Variants in PCDH15 observed in about 807,000 individuals in gnomAD.
The protein encoded by PCDH15 is protocadherin related 15, also known as protocadherin-15.
A neutral mutation model predicts 178.5 loss-of-function variants in PCDH15; 129 were observed. The observed-to-expected ratio is 0.72, with a 90% CI of 0.63 to 0.84. PCDH15 has a LOEUF of 0.84. Among genes scored for constraint, PCDH15 ranks in the 40% least tolerant of loss-of-function variants. The pLI is 0.00. For missense variants in PCDH15, 2,230 were observed against 2,099.9 expected, an observed-to-expected ratio of 1.06 and a Z score of -1.21; for synonymous variants, 800 against 732.0, an observed-to-expected ratio of 1.09 and a Z score of -1.50.
intron 2 of PCDH15, among the ~76,000 whole-genome samples, chr10:54,941,014 T>C (rs1838049741): frequency 6.6e-6 from 1 of 152,096 alleles, no homozygotes; most frequent in African/African-American, 2.4e-5. Context: ...ACTTTTGATG[T>C]CATTGTTTAT....
intron 3 of PCDH15, among the ~76,000 whole-genome samples, chr10:54,514,639 C>A (rs1315680057): frequency 7.1e-6 from 1 of 141,348 alleles, no homozygotes; most frequent in Non-Finnish European, 1.5e-5. Flanking sequence ...GAAATAATTG[C>A]TTTTCTCCTG....
chr10:53,824,959 T>C (rs975919690), intron 32 of PCDH15, among the ~76,000 whole-genome samples: 5 of 152,094 alleles, frequency 3.3e-5, no homozygotes, highest in Non-Finnish European at 7.4e-5. Context: ...ACACATGTTT[T>C]AAGCTCATGC....
chr10:54,107,317 C>T (rs2094933299), intron 15 of PCDH15, among the ~76,000 whole-genome samples: 1 of 152,190 alleles, frequency 6.6e-6, no homozygotes, highest in African/African-American at 2.4e-5. Flanking sequence ...TGCTTCCTGA[C>T]TTCTTCCTTC....
intron 2 of PCDH15, among the ~76,000 whole-genome samples, chr10:55,398,981 C>T (rs1228927246): frequency 6.6e-6 from 1 of 152,028 alleles, no homozygotes; most frequent in Non-Finnish European, 1.5e-5. Context: ...TGTAGAATAA[C>T]TATTATATTC....
chr10:54,099,309 G>A (rs946743259), intron 15 of PCDH15, among the ~76,000 whole-genome samples: 2 of 151,574 alleles, frequency 1.3e-5, no homozygotes, highest in African/African-American at 4.9e-5. Flanking sequence ...GACCATCCTG[G>A]CTAACATGGT....
chr10:55,508,078 A>C (rs1445310916), intron 2 of PCDH15, among the ~76,000 whole-genome samples: 1 of 151,632 alleles, frequency 6.6e-6, no homozygotes, highest in Non-Finnish European at 1.5e-5. Flanking sequence ...TTAGGATTTT[A>C]TTTTTTGAAA....
intron 2 of PCDH15, among the ~76,000 whole-genome samples, chr10:55,090,686 A>G (rs767916111): frequency 8.5e-5 from 13 of 152,068 alleles, no homozygotes; most frequent in Non-Finnish European, 1.5e-4. Context: ...ACATATATCA[A>G]CAAACACGCA....
At chr10:55,104,390 G>T (rs189509495) in intron 2 of PCDH15, among the ~76,000 whole-genome samples, 103 of 152,118 alleles carry the variant, frequency 6.8e-4, no homozygotes, top group African/African-American at 2.3e-3. Flanking sequence ...AGCACACTTT[G>T]CCAGCATTAC....
intron 3 of PCDH15, among the ~76,000 whole-genome samples, chr10:54,431,201 C>G (rs1266470350): frequency 7.9e-5 from 12 of 152,130 alleles, no homozygotes; most frequent in South Asian, 2.1e-4. Flanking sequence ...AATACCAATT[C>G]TACTCAAACT....
chr10:54,993,950 C>T (rs2131920586), intron 2 of PCDH15, among the ~76,000 whole-genome samples: 1 of 152,092 alleles, frequency 6.6e-6, no homozygotes, highest in Non-Finnish European at 1.5e-5. Flanking sequence ...CTGAAAATAA[C>T]ATTTTTTCAA....
At chr10:54,983,951 A>T (rs552764401) in intron 2 of PCDH15, among the ~76,000 whole-genome samples, 62 of 152,202 alleles carry the variant, frequency 4.1e-4, no homozygotes, top group Non-Finnish European at 7.1e-4. Flanking sequence ...AAGTAGCATA[A>T]ACGCTATATA....
intron 8 of PCDH15, among the ~76,000 whole-genome samples, chr10:54,257,709 C>A (rs2057022493): frequency 6.6e-6 from 1 of 151,982 alleles, no homozygotes; most frequent in Admixed American, 6.6e-5. Flanking sequence ...AGGGTGTATG[C>A]ATACACTTTC....
rs943897838 is a variant in PCDH15, at chr10:54,974,076, C to T, written c.-79-76576G>A. The stretch of plus-strand genomic sequence containing the variant: ...TCTCTCTCACACACACACACACACA[C>T]ACACACAGACACACACACACATACA... On this transcript the variant is annotated intron_variant, in intron 2 of 5. Coordinates refer to the PCDH15 transcript ENST00000458638. 1.8e-4 allele frequency among the ~76,000 whole-genome samples: 28 copies of T among 151,432 alleles called. No individual in the cohort carries two copies. The East Asian group carries it at 2.3e-3, about 13-fold the overall frequency.
At chr10:55,473,659 T>G (rs1346657937) in intron 2 of PCDH15, among the ~76,000 whole-genome samples, 1 of 152,144 alleles carries the variant, frequency 6.6e-6, no homozygotes, top group East Asian at 1.9e-4. Context: ...CCCCTATTGG[T>G]GATGGATCTA....
At chr10:54,378,649 A>C (rs1948792716) in intron 4 of PCDH15, 133 bp downstream of exon 4, 1 of 1,010,672 alleles carries the variant, frequency 9.9e-7, no homozygotes, top group African/African-American at 1.6e-5. Context: ...AAATGAGTTA[A>C]AGAAACTGTT....
chr10:55,601,677 C>T (rs1843083559), intron 2 of PCDH15, among the ~76,000 whole-genome samples: 1 of 151,640 alleles, frequency 6.6e-6, no homozygotes, highest in Non-Finnish European at 1.5e-5. Flanking sequence ...TTAAACATAC[C>T]AGAGAAATTA....
intron 13 of PCDH15, among the ~76,000 whole-genome samples, chr10:54,168,558 C>T (rs1398183226): frequency 7.2e-5 from 11 of 152,192 alleles, no homozygotes; most frequent in Non-Finnish European, 1.5e-4. Flanking sequence ...CGTGACTAGC[C>T]CTCCCCCACC....
intron 1 of PCDH15, among the ~76,000 whole-genome samples, chr10:55,233,125 A>G (rs547742144): frequency 3.3e-5 from 5 of 152,252 alleles, no homozygotes; most frequent in African/African-American, 9.6e-5. Flanking sequence ...TTATAGAGAT[A>G]AAAATATGGT....
intron 1 of PCDH15, among the ~76,000 whole-genome samples, chr10:55,258,657 A>T (rs1375862740): frequency 6.6e-6 from 1 of 151,882 alleles, no homozygotes; most frequent in Non-Finnish European, 1.5e-5. Context: ...AATAGTATAA[A>T]TGCTAAGTAT....
Sources: allele counts gnomAD v4.1 joint callset (sites outside exome capture counted in the v4.1 genomes callset), GRCh38; gene constraint gnomAD v4.1.1; transcripts MANE v1.5; gene names NCBI Gene and HGNC (gene_info 2026-07-23, HGNC 2026-07-21).